The following ALCAM variants were observed in gnomAD, a reference collection of about 807,000 sequenced individuals.
The protein encoded by ALCAM is activated leukocyte cell adhesion molecule.
Under a neutral mutation model 70.9 loss-of-function variants are expected in ALCAM, and 30 were observed. That is an observed-to-expected ratio of 0.42 (90% CI 0.32 to 0.57). ALCAM has a LOEUF of 0.57. Among genes scored for constraint, ALCAM ranks in the 20% least tolerant of loss-of-function variants. ALCAM has a pLI of 0.11. For missense variants in ALCAM, 591 were observed against 695.1 expected (o/e 0.85, Z 1.68); for synonymous variants, 249 against 242.5 (o/e 1.03, Z -0.25).
chr3:105,436,411 T>G lies in ALCAM; in HGVS notation c.73+68930T>G, dbSNP rs1235810166. ...AGGCTGGAGTGCAGTGGTGCGATCT[T>G]GGCTCACCACAAGCTCTGCCATTCT... On this transcript the variant is annotated intron_variant, in intron 1 of 15. Coordinates refer to ENST00000306107, the MANE Select transcript of ALCAM (RefSeq NM_001627.4). Among the ~76,000 whole-genome samples the G allele has an allele frequency of 3.9e-5, 6 of 152,104 alleles. No individual in the cohort carries two copies. In the South Asian group the frequency reaches 8.3e-4, roughly 21 times the overall value.
At chr3:105,406,760 A>C (rs1936244229) in intron 1 of ALCAM, among the ~76,000 whole-genome samples, 2 of 152,054 alleles carry the variant, frequency 1.3e-5, no homozygotes, top group African/African-American at 4.8e-5. Flanking sequence ...TAAATGAAAA[A>C]AAAAAACTGG....
chr3:105,551,995 T>A, intron 12 of ALCAM, 149 bp from the exon 13 acceptor site: 1 of 529,272 alleles, frequency 1.9e-6, no homozygotes, highest in South Asian at 3.5e-5. Context: ...GGTCATACTT[T>A]ATTAAGTGTG....
chr3:105,526,854 T>G (rs960077588), intron 3 of ALCAM, among the ~76,000 whole-genome samples: 2 of 152,146 alleles, frequency 1.3e-5, no homozygotes, highest in Admixed American at 1.3e-4. Context: ...CAGTCCTCTG[T>G]TTCCCTCTGT....
chr3:105,387,679 C>T (rs1045582139), intron 1 of ALCAM, among the ~76,000 whole-genome samples: 3 of 151,474 alleles, frequency 2.0e-5, no homozygotes, highest in Admixed American at 6.6e-5. Context: ...ATAATTGAGA[C>T]CAGGAACTTC....
chr3:105,459,962 T>C (rs1937581247), intron 1 of ALCAM, among the ~76,000 whole-genome samples: 1 of 151,826 alleles, frequency 6.6e-6, no homozygotes, highest in Admixed American at 6.6e-5. Flanking sequence ...AATAAAAAAA[T>C]AAATTGGATT....
At chr3:105,448,024 G>T (rs1470466607) in intron 1 of ALCAM, among the ~76,000 whole-genome samples, 1 of 152,116 alleles carries the variant, frequency 6.6e-6, no homozygotes, top group East Asian at 1.9e-4. Context: ...ATGAAACCTT[G>T]ATATATGATT....
At chr3:105,499,274 G>A (rs1299245821) in intron 1 of ALCAM, among the ~76,000 whole-genome samples, 1 of 152,094 alleles carries the variant, frequency 6.6e-6, no homozygotes, top group Non-Finnish European at 1.5e-5. Context: ...TATTCCTTAA[G>A]AGCAAGTGAC....
chr3:105,487,713 G>C (rs192526062), intron 1 of ALCAM, among the ~76,000 whole-genome samples: 14 of 152,280 alleles, frequency 9.2e-5, no homozygotes, highest in Non-Finnish European at 1.9e-4. Flanking sequence ...GTCAGAGAGG[G>C]TAGAAGGTAA....
intron 1 of ALCAM, among the ~76,000 whole-genome samples, chr3:105,403,214 C>G (rs890104883): frequency 2.6e-5 from 4 of 152,028 alleles, no homozygotes; most frequent in African/African-American, 9.7e-5. Flanking sequence ...CCCACAGTGC[C>G]GGGATTACAG....
intron 2 of ALCAM, among the ~76,000 whole-genome samples, chr3:105,522,752 A>G (rs1939578394): frequency 6.6e-6 from 1 of 152,220 alleles, no homozygotes; most frequent in East Asian, 1.9e-4. Context: ...TACTTAACCA[A>G]ACTCAACCTC....
Position 105,460,997 on chromosome 3 carries a change from G to GGT in ALCAM, c.74-59053_74-59052dup, listed in dbSNP as rs138541739. ...CTTTTTAGAGATTTCAAGTAAATAT[G>GGT]GTGTGTGTGTGTGTGTGTATGTGTG... On this transcript the variant is annotated intron_variant, in intron 1 of 15. Transcript: ENST00000306107. Among the ~76,000 whole-genome samples, 975 of 148,238 alleles carry GGT rather than the reference G, an allele frequency of 6.6e-3. 8 individuals carry two copies. The highest frequency in any genetic ancestry group is 0.021 in the African/African-American group (844 of 40,598).
intron 1 of ALCAM, among the ~76,000 whole-genome samples, chr3:105,483,965 C>T (rs1047229474): frequency 6.6e-6 from 1 of 152,024 alleles, no homozygotes; most frequent in African/African-American, 2.4e-5. Flanking sequence ...TGTTCTTAGA[C>T]AAGTCTTTTA....
In ALCAM at chr3:105,429,490, G is replaced by T. The variant is rs545387565; in HGVS notation, c.73+62009G>T. Among the ~76,000 whole-genome samples, 62 of 151,968 alleles carry T rather than the reference G, an allele frequency of 4.1e-4. 1 individual carries two copies. The highest frequency in any genetic ancestry group is 1.4e-3 in the African/African-American group (59 of 41,486). On this transcript the variant is annotated intron_variant, in intron 1 of 15. Coordinates refer to ENST00000306107, the MANE Select transcript of ALCAM (RefSeq NM_001627.4). ...AAAAAATGATGTTCCACATCTAGGG[G>T]ATCTCCATGAAAGCTTTTCAGCTGA...
intron 1 of ALCAM, among the ~76,000 whole-genome samples, chr3:105,470,162 C>T (rs1356190121): frequency 1.4e-5 from 2 of 147,498 alleles, no homozygotes; most frequent in Admixed American, 1.4e-4. Flanking sequence ...CACACACACA[C>T]ATATTAGCAT....
chr3:105,504,230 G>A lies in ALCAM; in HGVS notation c.74-15837G>A, dbSNP rs151057410. Among the ~76,000 whole-genome samples the A allele has an allele frequency of 1.2e-4, 18 of 152,290 alleles. 1 individual carries two copies. The East Asian group carries it at 2.5e-3, about 21-fold the overall frequency. On this transcript the variant is annotated intron_variant, in intron 1 of 15. Transcript: ENST00000306107. ...AGCACACAGACGGGCAGGTTATGGG[G>A]CAGGTTATGGAGCTCCGACCCTATC...
chr3:105,570,901 G>A (rs1023362506), intron 14 of ALCAM, among the ~76,000 whole-genome samples: 1 of 152,106 alleles, frequency 6.6e-6, no homozygotes, highest in Middle Eastern at 3.2e-3. Flanking sequence ...GTCATATAAT[G>A]GTCTGCAATT....
At chr3:105,376,645 G>A (rs1455656722) in intron 1 of ALCAM, among the ~76,000 whole-genome samples, 1 of 152,158 alleles carries the variant, frequency 6.6e-6, no homozygotes, top group Non-Finnish European at 1.5e-5. Context: ...ATAACTATTT[G>A]CTAGAAATTT....
intron 1 of ALCAM, among the ~76,000 whole-genome samples, chr3:105,489,878 T>G (rs935638524): frequency 2.6e-5 from 4 of 152,238 alleles, no homozygotes; most frequent in African/African-American, 9.6e-5. Context: ...CTGGATATTC[T>G]TTGTTACATA....
At chr3:105,483,176 T>C (rs1362670789) in intron 1 of ALCAM, among the ~76,000 whole-genome samples, 1 of 152,196 alleles carries the variant, frequency 6.6e-6, no homozygotes, top group East Asian at 1.9e-4. Context: ...TATTATTTCT[T>C]TGTCTCTCTT....
Sources: gnomAD v4.1 joint callset for allele counts (sites outside exome capture counted in the v4.1 genomes callset) on GRCh38, gnomAD v4.1.1 for gene constraint, MANE v1.5 for transcripts, NCBI Gene and HGNC (gene_info 2026-07-23, HGNC 2026-07-21) for gene names.